ATF7IP2: variants seen among roughly 807,000 people sequenced by gnomAD.
ATF7IP2 encodes activating transcription factor 7-interacting protein 2.
A neutral mutation model predicts 64.2 loss-of-function variants in ATF7IP2; 42 were observed. The observed-to-expected ratio is 0.65, with a 90% CI of 0.51 to 0.85. ATF7IP2 has a LOEUF of 0.85. ATF7IP2 is among the 40% of genes least tolerant of loss of function. The pLI is 0.00. For missense variants in ATF7IP2, 933 were observed against 784.2 expected, an observed-to-expected ratio of 1.19 and a Z score of -2.27; for synonymous variants, 308 against 272.8, an observed-to-expected ratio of 1.13 and a Z score of -1.27.
intron 6 of ATF7IP2, among the ~76,000 whole-genome samples, chr16:10,434,821 A>G (rs1014519636): frequency 2.6e-5 from 4 of 152,092 alleles, no homozygotes; most frequent in Admixed American, 1.3e-4. Context: ...TGTTTGAGGC[A>G]GAGTCTCACT....
At chr16:10,479,486 C>T (rs1401138224) in intron 12 of ATF7IP2, among the ~76,000 whole-genome samples, 4 of 152,014 alleles carry the variant, frequency 2.6e-5, no homozygotes, top group African/African-American at 9.7e-5. Flanking sequence ...GAACATCACA[C>T]ACTGGGGCCT....
chr16:10,463,126 A>C (rs980625236), intron 9 of ATF7IP2, among the ~76,000 whole-genome samples: 1 of 152,070 alleles, frequency 6.6e-6, no homozygotes, highest in Non-Finnish European at 1.5e-5. Flanking sequence ...TTTGAACTCT[A>C]TTTGTGTTTG....
intron 1 of ATF7IP2, among the ~76,000 whole-genome samples, chr16:10,401,655 T>A (rs896970955): frequency 6.6e-6 from 1 of 151,414 alleles, no homozygotes; most frequent in Non-Finnish European, 1.5e-5. Context: ...TTTTTCCCTC[T>A]TTTTTTTGAA....
chr16:10,405,335 G>T (rs2047615661), intron 1 of ATF7IP2, among the ~76,000 whole-genome samples: 1 of 151,694 alleles, frequency 6.6e-6, no homozygotes, highest in Non-Finnish European at 1.5e-5. Context: ...ATACCACATT[G>T]TACTCCAGCC....
intron 9 of ATF7IP2, among the ~76,000 whole-genome samples, chr16:10,469,021 G>C (rs2049687501): frequency 6.6e-6 from 1 of 152,168 alleles, no homozygotes; most frequent in African/African-American, 2.4e-5. Flanking sequence ...TTAATTGCAT[G>C]CCAGAACAAA....
chr16:10,428,687 T>G (rs918639191), intron 3 of ATF7IP2, among the ~76,000 whole-genome samples, 181 bp from the exon 4 acceptor site: 6 of 152,182 alleles, frequency 3.9e-5, no homozygotes, highest in African/African-American at 1.4e-4. Flanking sequence ...GAAGCCAAAG[T>G]GCAAATTATG....
intron 10 of ATF7IP2, 43 bp downstream of exon 10, chr16:10,472,226 G>T (rs1177464294): frequency 5.0e-6 from 5 of 1,000,546 alleles, no homozygotes; most frequent in African/African-American, 1.7e-5. Context: ...AAGTTAGAAG[G>T]CCTTAAATCA....
chr16:10,407,917 CTT>C (rs35727703), intron 1 of ATF7IP2, among the ~76,000 whole-genome samples: 143 of 144,534 alleles, frequency 9.9e-4, no homozygotes, highest in Middle Eastern at 3.6e-3. Context: ...TTCTTTCTTT[CTT>C]TTTTTTTTTT....
Position 10,407,689 on chromosome 16 carries a change from G to A in ATF7IP2, c.-241-6885G>A, listed in dbSNP as rs572963472. 4.6e-5 allele frequency among the ~76,000 whole-genome samples: 7 copies of A among 152,128 alleles called. No individual in the cohort carries two copies. The East Asian group carries it at 7.7e-4, about 17-fold the overall frequency. ...GGTTATTCAGGAACAGGTGTTACTC[G>A]GTTACATAAGTTCTTTAGTGGTGAT... On this transcript the variant is annotated intron_variant, in intron 1 of 13. Transcript: ENST00000562102.
chr16:10,429,772 T>A (rs191448908), intron 4 of ATF7IP2, among the ~76,000 whole-genome samples: 1,636 of 146,924 alleles, frequency 0.011, 15 homozygotes, highest in South Asian at 0.016. Flanking sequence ...TTTTATTTTA[T>A]TTTAATTTAA....
In ATF7IP2 at chr16:10,392,823, TA is replaced by T. The variant is rs528726658; in HGVS notation, c.-242+6716del. On this transcript the variant is annotated intron_variant, in intron 1 of 13. Transcript: ENST00000562102. ...GGGCAACATAGTGAGACTCTGTCTT[TA>T]AAAAAAAAAAAAAATTAGCTGGGTG... 4.1e-3 allele frequency among the ~76,000 whole-genome samples: 570 copies of T among 140,050 alleles called. 1 individual carries two copies. Among genetic ancestry groups the T allele is most frequent in the Middle Eastern group, 0.015 (4 of 266 alleles). The allele number at this position is 140,050 out of a possible 152,430, so 91.9% of individuals were successfully genotyped here.
intron 2 of ATF7IP2, among the ~76,000 whole-genome samples, chr16:10,416,976 A>T (rs569686698): frequency 6.6e-6 from 1 of 152,364 alleles, no homozygotes; most frequent in Admixed American, 6.5e-5. Context: ...TACCAATGTG[A>T]TTATTATGCA....
chr16:10,417,952 T>C (rs1234648050), intron 2 of ATF7IP2, among the ~76,000 whole-genome samples: 1 of 152,232 alleles, frequency 6.6e-6, no homozygotes, highest in Non-Finnish European at 1.5e-5. Flanking sequence ...GATGTCCACG[T>C]CGGTCGTGGA....
chr16:10,428,823 A>G (rs1322604418), intron 3 of ATF7IP2, 45 bp from the exon 4 acceptor site: 1 of 152,170 alleles, frequency 6.6e-6, no homozygotes, highest in African/African-American at 2.4e-5. Flanking sequence ...AACATAGCAC[A>G]TTCAATTATA....
At chr16:10,402,620 T>C (rs1415379059) in intron 1 of ATF7IP2, among the ~76,000 whole-genome samples, 1 of 152,106 alleles carries the variant, frequency 6.6e-6, no homozygotes, top group African/African-American at 2.4e-5. Context: ...TGTGCCACCA[T>C]GCTTGGCTAA....
rs1350061365 is a variant in ATF7IP2 at position 10,482,333 on chromosome 16, A to G, written c.*84A>G. The G allele has an allele frequency of 1.4e-5, 15 of 1,052,434 alleles. No individual in the cohort carries two copies. The highest frequency in any genetic ancestry group is 1.9e-5 in the Non-Finnish European group (14 of 729,422). 65.2% of individuals were successfully genotyped at this position (1,052,434 alleles called of 1,614,324 possible). ...CTGTAATACTATTTGCCATTGTAAA[A>G]GGCCAGCTCAGATTGTGAGCCCTTT... On this transcript the variant is annotated 3_prime_UTR_variant, in exon 14 of 14. Transcript: ENST00000562102.
intron 9 of ATF7IP2, 175 bp from the exon 10 acceptor site, chr16:10,471,935 G>C (rs2049814898): frequency 7.0e-6 from 3 of 425,632 alleles, no homozygotes; most frequent in South Asian, 9.4e-5. Context: ...TAACGGAACT[G>C]GTAATAAATG....
At position 10,408,878 on chromosome 16, in the gene ATF7IP2, A is replaced by G. The variant is rs531219660; in HGVS notation, c.-241-5696A>G. On this transcript the variant is annotated intron_variant, in intron 1 of 13. Transcript: ENST00000562102. The stretch of plus-strand genomic sequence containing the variant: ...GCCTATTCATCTTTGTTTTTGTTGC[A>G]TTTGCTTTTGGGTTTTTGGTCATGA... Among the ~76,000 whole-genome samples, 105 of 151,990 alleles carry G rather than the reference A, an allele frequency of 6.9e-4. 1 individual carries two copies. In the Middle Eastern group the frequency reaches 0.017, roughly 25 times the overall value.
chr16:10,482,143 C>G lies in ATF7IP2; in HGVS notation c.1943C>G (p.Ala648Gly), dbSNP rs752853365. ...PMACTLSQFL[A>G]SNRYYFTVQS... ...GCCTGTACTTTATCTCAGTTTTTAG[C>G]TTCCAACAGATACTATTTTACTGTC... The change falls in exon 14 of 14, where the codon GCT becomes GGT. Residue 648 changes from alanine to glycine, a missense_variant. Coordinates refer to ENST00000562102, the MANE Select transcript of ATF7IP2 (RefSeq NM_001393719.1). 7 of 1,613,536 alleles carry G rather than the reference C, an allele frequency of 4.3e-6. No homozygotes were observed. In the South Asian group the frequency reaches 4.4e-5, roughly 10 times the overall value.
Sources: gnomAD v4.1 joint callset for allele counts (sites outside exome capture counted in the v4.1 genomes callset) on GRCh38, gnomAD v4.1.1 for gene constraint, MANE v1.5 for transcripts, NCBI Gene and HGNC (gene_info 2026-07-23, HGNC 2026-07-21) for gene names.